The following CELSR1 variants were observed in gnomAD, a reference collection of about 807,000 sequenced individuals.
CELSR1 encodes the protein cadherin EGF LAG seven-pass G-type receptor 1.
CELSR1 carries 110 observed loss-of-function variants against 249.1 expected under a neutral mutation model. That is an observed-to-expected ratio of 0.44 (90% CI 0.38 to 0.52). The LOEUF (loss-of-function observed/expected upper bound fraction) is 0.52, where lower values mean the gene tolerates loss of function less well. CELSR1 is among the 20% of genes least tolerant of loss of function. The pLI, the probability that CELSR1 is intolerant of heterozygous loss-of-function variation, is 0.00. For missense variants in CELSR1, 4,109 were observed against 4,296.4 expected (o/e 0.96, Z 1.22); for synonymous variants, 2,113 against 1,900.0 (o/e 1.11, Z -2.92).
chr22:46,494,570 A>G (rs2080396250), intron 1 of CELSR1, among the ~76,000 whole-genome samples: 1 of 152,146 alleles, frequency 6.6e-6, no homozygotes, highest in African/African-American at 2.4e-5. Context: ...ATGCAATGGT[A>G]TGATCTAGGC....
chr22:46,450,413 C>T (rs2147517176), intron 2 of CELSR1, among the ~76,000 whole-genome samples: 1 of 152,370 alleles, frequency 6.6e-6, no homozygotes, highest in East Asian at 1.9e-4. Flanking sequence ...CCCAGGTTCA[C>T]ATTTGGGGAT....
At chr22:46,451,928 G>A (rs1481287519) in intron 2 of CELSR1, among the ~76,000 whole-genome samples, 3 of 152,170 alleles carry the variant, frequency 2.0e-5, no homozygotes, top group Non-Finnish European at 4.4e-5. Context: ...GAGATGAGAA[G>A]CAAGGGGAAG....
At position 46,534,132 on chromosome 22, in the gene CELSR1, T is replaced by A. The variant is rs765920044; in HGVS notation, c.3039A>T (p.Pro1013=). The part of the protein sequence containing the change: ...ELELFVEENN[P]VGSVVAKIRA... ...GAATCTTTGCCACCACCGACCCCAC[T>A]GGGTTGTTCTCCTCAACAAACAGCT... Residue 1013 remains proline, a synonymous_variant, in exon 1 of 35, where the codon CCA becomes CCT. Transcript: ENST00000674500. This position sits in a 1 kb window ranked among gnomAD's most constrained non-coding sequence, Gnocchi z 9.7. The A allele has an allele frequency of 1.2e-6, 2 of 1,613,818 alleles. No individual in the cohort carries two copies. The highest frequency in any genetic ancestry group is 1.7e-6 in the Non-Finnish European group (2 of 1,180,038).
At position 46,527,471 on chromosome 22, in the gene CELSR1, G is replaced by A. The variant is rs1002172986; in HGVS notation, c.3544+6156C>T. Among the ~76,000 whole-genome samples, 2 of 152,132 alleles carry A rather than the reference G, an allele frequency of 1.3e-5. No individual in the cohort carries two copies. Among genetic ancestry groups the A allele is most frequent in the African/African-American group, 2.4e-5 (1 of 41,428 alleles). On this transcript the variant is annotated intron_variant, in intron 1 of 34. Coordinates refer to ENST00000674500, the MANE Select transcript of CELSR1 (RefSeq NM_001378328.1). The surrounding 1 kb of genome is among the most constrained non-coding windows in gnomAD (Gnocchi z 5.5). ...ATCACACACTGCACACGTCCAGGGG[G>A]GTAGAGAAGAGTCCCAGCCCGCCCT...
At chr22:46,367,172 C>G (rs2078794911) in intron 28 of CELSR1, 54 bp from the exon 29 acceptor site, 12 of 1,582,664 alleles carry the variant, frequency 7.6e-6, no homozygotes, top group Non-Finnish European at 8.6e-6. Context: ...AGGCACCTGC[C>G]CTTAGGCGCC....
In CELSR1 at chr22:46,408,936, TG is replaced by T. The variant is rs1441766210; in HGVS notation, c.5226+59del. Reference sequence around the variant, plus strand: ...AGTGTGCACCAGGAAGCCCAGCGCCTGGGTCCCTCCCTCGGGCACCCACCTA... The same window carrying T: ...AGTGTGCACCAGGAAGCCCAGCGCCTGGTCCCTCCCTCGGGCACCCACCTA... On this transcript the variant is annotated intron_variant, in intron 9 of 34. Coordinates refer to ENST00000674500, the MANE Select transcript of CELSR1 (RefSeq NM_001378328.1). This position sits in a 1 kb window ranked among gnomAD's most constrained non-coding sequence, Gnocchi z 4.6. 2 of 1,421,448 alleles carry T rather than the reference TG, an allele frequency of 1.4e-6. No homozygotes were observed. Among genetic ancestry groups the T allele is most frequent in the African/African-American group, 1.5e-5 (1 of 68,680 alleles). 88.1% of individuals were successfully genotyped at this position (1,421,448 alleles called of 1,614,324 possible).
chr22:46,420,597 ATGCT>A (rs2079459108), intron 5 of CELSR1, among the ~76,000 whole-genome samples: 1 of 151,942 alleles, frequency 6.6e-6, no homozygotes, highest in African/African-American at 2.4e-5. Flanking sequence ...ACTCGTGCTC[ATGCT>A]TGCACAATAT....
chr22:46,389,521 G>A lies in CELSR1; in HGVS notation c.6346-22C>T, dbSNP rs140726122. On this transcript the variant is annotated intron_variant, in intron 17 of 34. Transcript: ENST00000674500. ...CATTCTGGAACAGGGAGGCAGTCGT[G>A]ATGTGTGCAAACCCACTTCGGCCGC... 8.0e-4 allele frequency: 1,297 copies of A among 1,611,904 alleles called. 8 individuals carry two copies. The African/African-American group carries it at 0.015, about 19-fold the overall frequency.
At position 46,393,367 on chromosome 22, in the gene CELSR1, C is replaced by T. The variant is rs767182743; in HGVS notation, c.5964+775G>A. On this transcript the variant is annotated intron_variant, in intron 14 of 34. Transcript: ENST00000674500. This position sits in a 1 kb window ranked among gnomAD's most constrained non-coding sequence, Gnocchi z 4.1. ...GCAGGTTAGGACTGACCGCCCTGGA[C>T]AGGCGTGGGGCATAACGCACTTAGT... Among the ~76,000 whole-genome samples the T allele has an allele frequency of 6.6e-6, 1 of 152,230 alleles. No individual in the cohort carries two copies. The highest frequency in any genetic ancestry group is 1.5e-5 in the Non-Finnish European group (1 of 68,044).
intron 23 of CELSR1, chr22:46,377,695 C>G (rs9615969): frequency 0.076 from 14,799 of 195,386 alleles, 654 homozygotes; most frequent in Non-Finnish European, 0.089. Flanking sequence ...TCACTGACCC[C>G]GTCTCCAGGC....
At chr22:46,420,431 C>T (rs1195266492) in intron 5 of CELSR1, among the ~76,000 whole-genome samples, 1 of 152,182 alleles carries the variant, frequency 6.6e-6, no homozygotes, top group Admixed American at 6.5e-5. Context: ...CACGTGCACA[C>T]ACCCACACAC....
chr22:46,534,082 G>C lies in CELSR1; in HGVS notation c.3089C>G (p.Pro1030Arg). 1 of 1,613,770 alleles carries C rather than the reference G, an allele frequency of 6.2e-7. No homozygotes were observed. Among genetic ancestry groups the C allele is most frequent in the Non-Finnish European group, 8.5e-7 (1 of 1,180,044 alleles). ...AATCTGATACATGATCTGGGCATTA[G>C]GGCCTTCATCAGGGTCGTTAGCACG... ...KIRANDPDEG[P>R]NAQIMYQIVE... Residue 1030 changes from proline to arginine, a missense_variant, in exon 1 of 35, where the codon CCT becomes CGT. Around this residue, in one of 7 missense-constraint regions of CELSR1, gnomAD observed 886 missense variants for 896.5 expected, o/e 0.99. Coordinates refer to ENST00000674500, the MANE Select transcript of CELSR1 (RefSeq NM_001378328.1). The surrounding 1 kb of genome is among the most constrained non-coding windows in gnomAD (Gnocchi z 9.7).
rs113562319 is a variant in CELSR1, at chr22:46,484,035, G to A, written c.3545-19690C>T. On this transcript the variant is annotated intron_variant, in intron 1 of 34. Transcript: ENST00000674500. The surrounding 1 kb of genome is among the most constrained non-coding windows in gnomAD (Gnocchi z 4.5). ...AAAGGAGCACAACTGTCAATTTCAC[G>A]GAGCACAGAACATTCCCAGGCTCCC... 3.7e-3 allele frequency among the ~76,000 whole-genome samples: 571 copies of A among 152,314 alleles called. 5 individuals carry two copies. Among genetic ancestry groups the A allele is most frequent in the African/African-American group, 0.012 (507 of 41,568 alleles).
In CELSR1 at chr22:46,380,796, G is replaced by A; in HGVS notation, c.7248C>T (p.His2416=). ...RTKPVCVFWN[H]SLAVGGTGGW... is the part of the protein sequence containing the mutation. Reference sequence around the variant, plus strand: ...CCTGGCGTCACACTTACGCCAGGGAGTGGTTCCAGAACACGCAGACAGGCT... The same window carrying A: ...CCTGGCGTCACACTTACGCCAGGGAATGGTTCCAGAACACGCAGACAGGCT... The change falls in exon 22 of 35, where the codon CAC becomes CAT. Residue 2416 remains histidine, a synonymous_variant. Coordinates refer to ENST00000674500, the MANE Select transcript of CELSR1 (RefSeq NM_001378328.1). The surrounding 1 kb of genome is among the most constrained non-coding windows in gnomAD (Gnocchi z 5.1). 1.2e-6 allele frequency: 2 copies of A among 1,612,528 alleles called. No homozygotes were observed. Among genetic ancestry groups the A allele is most frequent in the East Asian group, 2.2e-5 (1 of 44,862 alleles).
chr22:46,474,121 G>A (rs1407101283), intron 1 of CELSR1, among the ~76,000 whole-genome samples: 2 of 152,160 alleles, frequency 1.3e-5, no homozygotes, highest in African/African-American at 4.8e-5. Context: ...TGCTGCTCAC[G>A]ATGCCTCGGG....
At position 46,408,993 on chromosome 22, in the gene CELSR1, C is replaced by T. The variant is rs775121955; in HGVS notation, c.5226+3G>A. On this transcript the variant is annotated splice_donor_region_variant and intron_variant, in intron 9 of 34. Coordinates refer to ENST00000674500, the MANE Select transcript of CELSR1 (RefSeq NM_001378328.1). The surrounding 1 kb of genome is among the most constrained non-coding windows in gnomAD (Gnocchi z 4.6). ...TGCCTTGGTGGCACGGGGCCCCAGT[C>T]ACCTGGAGGCGAAAGCTGGTGGGCC... The T allele has an allele frequency of 6.2e-7, 1 of 1,602,118 alleles. No individual in the cohort carries two copies. The highest frequency in any genetic ancestry group is 2.2e-5 in the East Asian group (1 of 44,534).
chr22:46,511,514 T>G lies in CELSR1; in HGVS notation c.3544+22113A>C, dbSNP rs372032902. On this transcript the variant is annotated intron_variant, in intron 1 of 34. Coordinates refer to ENST00000674500, the MANE Select transcript of CELSR1 (RefSeq NM_001378328.1). Reference sequence around the variant, plus strand: ...CGATAGTGACTGTGCTGAGCTTCTTTGGCACGCTGTCGTTCATTCCTTCAA... The same window carrying G: ...CGATAGTGACTGTGCTGAGCTTCTTGGGCACGCTGTCGTTCATTCCTTCAA... Among the ~76,000 whole-genome samples the G allele has an allele frequency of 2.0e-5, 3 of 152,372 alleles. No homozygotes were observed. The East Asian group carries it at 5.8e-4, about 29-fold the overall frequency.
At chr22:46,463,544 G>C (rs907238780) in intron 2 of CELSR1, among the ~76,000 whole-genome samples, 163 bp downstream of exon 2, 1 of 145,584 alleles carries the variant, frequency 6.9e-6, no homozygotes, top group Admixed American at 6.8e-5. Context: ...AAAAAGTACC[G>C]TTACTGAGAT....
chr22:46,363,499 G>A lies in CELSR1; in HGVS notation c.9036-252C>T, dbSNP rs1199508989. ...GCGCAAGGAATCCACGTTAGAAACC[G>A]GCCATCTCTACAGTGACTTTTGGAA... On this transcript the variant is annotated intron_variant, in intron 34 of 34. Transcript: ENST00000674500. This position sits in a 1 kb window ranked among gnomAD's most constrained non-coding sequence, Gnocchi z 4.3. 2.7e-5 allele frequency: 12 copies of A among 447,798 alleles called. No homozygotes were observed. Among genetic ancestry groups the A allele is most frequent in the East Asian group, 4.0e-5 (1 of 25,188 alleles). 27.7% of individuals were successfully genotyped at this position (447,798 alleles called of 1,614,324 possible).
Sources: allele counts gnomAD v4.1 joint callset (sites outside exome capture counted in the v4.1 genomes callset), GRCh38; gene constraint gnomAD v4.1.1; regional missense constraint gnomAD v4.1.1; non-coding constraint Gnocchi (gnomAD v3.1); transcripts MANE v1.5; gene names NCBI Gene and HGNC (gene_info 2026-07-23, HGNC 2026-07-21).